The following KIAA1217 variants were observed in gnomAD, a reference collection of about 807,000 sequenced individuals.
KIAA1217 encodes the protein KIAA1217.
In KIAA1217, 88 loss-of-function variants were observed where a neutral mutation model predicts 163.9. The ratio of observed to expected loss-of-function variants is 0.54; its 90% CI spans 0.45 to 0.64. The LOEUF (loss-of-function observed/expected upper bound fraction) is 0.64, where lower values mean the gene tolerates loss of function less well. Ranked by LOEUF, KIAA1217 falls within the 30% of genes least tolerant of loss-of-function variation. The pLI is 0.00. For synonymous variants in KIAA1217, 903 were observed against 923.1 expected (o/e 0.98, Z 0.39); for missense variants, 2,372 against 2,475.0 (o/e 0.96, Z 0.88).
intron 2 of KIAA1217, among the ~76,000 whole-genome samples, chr10:24,037,486 T>C (rs1447395493): frequency 2.0e-5 from 3 of 152,038 alleles, no homozygotes; most frequent in East Asian, 1.9e-4. Flanking sequence ...CAAGACTCTG[T>C]CTCAAAAAAA....
chr10:24,077,941 G>C (rs1003171829), intron 2 of KIAA1217, among the ~76,000 whole-genome samples: 5 of 152,224 alleles, frequency 3.3e-5, no homozygotes, highest in African/African-American at 1.2e-4. Context: ...CTAATGATCA[G>C]TGGTGTTGAG....
intron 2 of KIAA1217, among the ~76,000 whole-genome samples, chr10:24,257,071 T>C (rs1470261475): frequency 6.6e-6 from 1 of 152,018 alleles, no homozygotes; most frequent in Non-Finnish European, 1.5e-5. Flanking sequence ...AAAGGTAGCA[T>C]GAATAGAGTG....
intron 2 of KIAA1217, among the ~76,000 whole-genome samples, chr10:24,302,006 C>T (rs1354102498): frequency 6.6e-6 from 1 of 152,200 alleles, no homozygotes; most frequent in Non-Finnish European, 1.5e-5. Flanking sequence ...GATCACGCCA[C>T]TGCACTTCAG....
In KIAA1217 at chr10:24,455,725, A is replaced by G. The variant is rs142682658; in HGVS notation, c.846+17246A>G. ...ATGGGAAGGAAAAGAGAATGATCCA[A>G]TGCCAAGATGTGGGTAATCACCCAT... is the stretch of plus-strand genomic sequence containing the variant. On this transcript the variant is annotated intron_variant, in intron 5 of 20. Coordinates refer to ENST00000376454, the MANE Select transcript of KIAA1217 (RefSeq NM_019590.5). 2.9e-3 allele frequency among the ~76,000 whole-genome samples: 436 copies of G among 152,336 alleles called. 1 individual carries two copies. Among genetic ancestry groups the G allele is most frequent in the African/African-American group, 9.7e-3 (402 of 41,576 alleles).
intron 2 of KIAA1217, among the ~76,000 whole-genome samples, chr10:24,144,736 T>G (rs1216924719): frequency 6.6e-6 from 1 of 152,190 alleles, no homozygotes; most frequent in African/African-American, 2.4e-5. Context: ...TCAAATATCT[T>G]TAGGACAATT....
chr10:23,848,521 G>C (rs1186286917), intron 1 of KIAA1217, among the ~76,000 whole-genome samples: 1 of 151,856 alleles, frequency 6.6e-6, no homozygotes, highest in African/African-American at 2.4e-5. Flanking sequence ...CTCAAAATTG[G>C]TATGTCTAAA....
At chr10:24,218,462 T>C (rs569733998) in intron 1 of KIAA1217, among the ~76,000 whole-genome samples, 1 of 152,110 alleles carries the variant, frequency 6.6e-6, no homozygotes, top group East Asian at 1.9e-4. Flanking sequence ...TGTCTAAGCC[T>C]TTACTTTATA....
At chr10:24,005,733 G>A (rs2131474997) in intron 1 of KIAA1217, among the ~76,000 whole-genome samples, 1 of 152,266 alleles carries the variant, frequency 6.6e-6, no homozygotes, top group South Asian at 2.1e-4. Flanking sequence ...TCAATTTTCA[G>A]TATTTCACAG....
intron 6 of KIAA1217, among the ~76,000 whole-genome samples, chr10:24,488,313 G>T (rs997441292): frequency 1.1e-4 from 16 of 152,184 alleles, no homozygotes; most frequent in Non-Finnish European, 1.5e-4. Context: ...GATGGGAGGG[G>T]ATTTCCTGGG....
intron 1 of KIAA1217, among the ~76,000 whole-genome samples, chr10:23,792,412 C>T (rs999695930): frequency 6.6e-6 from 1 of 152,072 alleles, no homozygotes; most frequent in Non-Finnish European, 1.5e-5. Context: ...GCATATTAGT[C>T]TTTTTGAATG....
At chr10:24,204,433 G>A (rs192557131), upstream of KIAA1217, among the ~76,000 whole-genome samples, 5 of 152,290 alleles carry the variant, frequency 3.3e-5, no homozygotes, top group Admixed American at 2.0e-4. Context: ...AATACGGTCC[G>A]TGTGAGGCTC....
intron 1 of KIAA1217, among the ~76,000 whole-genome samples, chr10:23,815,730 T>C (rs1249351933): frequency 6.6e-6 from 1 of 152,200 alleles, no homozygotes; most frequent in Non-Finnish European, 1.5e-5. Flanking sequence ...GCAAAGAAAA[T>C]ACAAACTTAT....
At chr10:24,345,213 A>C (rs918135508) in intron 2 of KIAA1217, among the ~76,000 whole-genome samples, 1 of 152,196 alleles carries the variant, frequency 6.6e-6, no homozygotes, top group African/African-American at 2.4e-5. Context: ...CACACAAAAA[A>C]GGGGGTGGTA....
intron 2 of KIAA1217, among the ~76,000 whole-genome samples, chr10:24,142,105 C>T (rs1019312213): frequency 1.3e-5 from 2 of 150,766 alleles, no homozygotes; most frequent in African/African-American, 2.4e-5. Flanking sequence ...TCTTCAAAAG[C>T]CAGTGTGCAT....
chr10:24,544,544 A>G, intron 19 of KIAA1217, 63 bp downstream of exon 19: 1 of 1,525,652 alleles, frequency 6.6e-7, no homozygotes, highest in Non-Finnish European at 8.8e-7. Context: ...CATAATCACC[A>G]TTAGTGAAAG....
intron 2 of KIAA1217, among the ~76,000 whole-genome samples, chr10:24,135,136 T>C (rs891018848): frequency 1.3e-5 from 2 of 152,152 alleles, no homozygotes; most frequent in African/African-American, 4.8e-5. Flanking sequence ...TGTAAGGTGG[T>C]AATAATAACA....
At chr10:24,397,093 T>C (rs7068383) in intron 3 of KIAA1217, among the ~76,000 whole-genome samples, 46,173 of 150,004 alleles carry the variant, frequency 0.31, 7,678 homozygotes, top group African/African-American at 0.44. Flanking sequence ...GGAGAAGGCA[T>C]AGATGTAAGA....
chr10:24,463,746 C>T (rs1440615626), intron 5 of KIAA1217, among the ~76,000 whole-genome samples: 2 of 152,216 alleles, frequency 1.3e-5, no homozygotes, highest in African/African-American at 4.8e-5. Context: ...AAATTACTTC[C>T]TGTTGAGGTA....
intron 1 of KIAA1217, among the ~76,000 whole-genome samples, chr10:23,935,544 G>A (rs12259419): frequency 0.06 from 9,100 of 152,122 alleles, 486 homozygotes; most frequent in African/African-American, 0.14. Flanking sequence ...AAGTATATTA[G>A]CAACAAACTG....
Sources: gnomAD v4.1 joint callset for allele counts (sites outside exome capture counted in the v4.1 genomes callset) on GRCh38, gnomAD v4.1.1 for gene constraint, MANE v1.5 for transcripts, NCBI Gene and HGNC (gene_info 2026-07-23, HGNC 2026-07-21) for gene names.